Variants in FCHO2 observed in about 807,000 individuals in gnomAD.
The protein encoded by FCHO2 is FCH and mu domain containing endocytic adaptor 2, also known as F-BAR domain only protein 2.
Under a neutral mutation model 114.1 loss-of-function variants are expected in FCHO2, and 43 were observed. The observed-to-expected ratio is 0.38, with a 90% confidence interval of 0.30 to 0.49. The LOEUF (loss-of-function observed/expected upper bound fraction) is 0.49. Among genes scored for constraint, FCHO2 ranks in the 20% least tolerant of loss-of-function variants. The pLI, the probability that FCHO2 is intolerant of heterozygous loss-of-function variation, is 0.97. For missense variants in FCHO2, 807 were observed against 950.4 expected (o/e 0.85, Z 1.98); for synonymous variants, 293 against 315.2 (o/e 0.93, Z 0.75).
chr5:73,046,615 T>G (rs984233603), intron 11 of FCHO2, among the ~76,000 whole-genome samples: 17 of 152,064 alleles, frequency 1.1e-4, no homozygotes, highest in Non-Finnish European at 2.5e-4. Flanking sequence ...CAAAGTATTT[T>G]GAAAAAAACC....
chr5:72,990,187 A>G (rs915276095), intron 3 of FCHO2, among the ~76,000 whole-genome samples: 4 of 152,062 alleles, frequency 2.6e-5, no homozygotes, highest in African/African-American at 4.8e-5. Context: ...CTTCTGATAC[A>G]AGTATAAATA....
At chr5:73,008,852 G>A (rs1484640244) in intron 6 of FCHO2, among the ~76,000 whole-genome samples, 2 of 152,096 alleles carry the variant, frequency 1.3e-5, no homozygotes, top group African/African-American at 4.8e-5. Context: ...GAGGTATATG[G>A]CATTCTAAAT....
intron 6 of FCHO2, among the ~76,000 whole-genome samples, chr5:73,007,343 T>C (rs1190036991): frequency 2.0e-5 from 3 of 152,240 alleles, no homozygotes; most frequent in Admixed American, 1.3e-4. Flanking sequence ...TTCTTAGTTA[T>C]GTCTAAGGGG....
At chr5:73,061,161 A>C (rs918443508) in intron 17 of FCHO2, among the ~76,000 whole-genome samples, 4 of 152,076 alleles carry the variant, frequency 2.6e-5, no homozygotes, top group South Asian at 2.1e-4. Context: ...CATACACAGC[A>C]TTGTTGCTTT....
intron 6 of FCHO2, among the ~76,000 whole-genome samples, chr5:73,006,903 G>T (rs1236961903): frequency 2.6e-5 from 4 of 152,014 alleles, no homozygotes; most frequent in Admixed American, 2.0e-4. Context: ...AAAAATCCCT[G>T]GTCTCAAAGA....
chr5:72,957,424 C>T (rs1055710750), intron 1 of FCHO2, among the ~76,000 whole-genome samples: 5 of 152,280 alleles, frequency 3.3e-5, no homozygotes, highest in African/African-American at 1.2e-4. Context: ...GTATTTTCTG[C>T]CTCTCTGCAT....
intron 20 of FCHO2, among the ~76,000 whole-genome samples, chr5:73,076,526 A>C (rs1389358580): frequency 3.3e-5 from 5 of 152,178 alleles, no homozygotes; most frequent in African/African-American, 9.7e-5. Context: ...TTGCAGAAAA[A>C]AGAGGGAACA....
At chr5:73,040,289 C>T (rs1435497893) in intron 10 of FCHO2, among the ~76,000 whole-genome samples, 2 of 151,982 alleles carry the variant, frequency 1.3e-5, no homozygotes, top group Non-Finnish European at 2.9e-5. Flanking sequence ...ACCGAAAATC[C>T]CAAAGCCAGA....
intron 2 of FCHO2, among the ~76,000 whole-genome samples, chr5:72,979,537 GCCCGC>G (rs1753078615): frequency 6.7e-6 from 1 of 149,630 alleles, no homozygotes; most frequent in Non-Finnish European, 1.5e-5. Flanking sequence ...GACTACAGGC[GCCCGC>G]TACCACGCCC....
chr5:73,034,533 A>G (rs887999933), intron 8 of FCHO2, 124 bp from the exon 9 acceptor site: 1 of 672,278 alleles, frequency 1.5e-6, no homozygotes, highest in Middle Eastern at 4.2e-4. Flanking sequence ...ACCATTTCAG[A>G]ACAATTAAAA....
rs186376647 is a variant in FCHO2, at chr5:72,981,369, C to A, written c.126-8058C>A. On this transcript the variant is annotated intron_variant, in intron 2 of 25. Coordinates refer to ENST00000430046, the MANE Select transcript of FCHO2 (RefSeq NM_138782.3). The stretch of plus-strand genomic sequence containing the variant: ...TAACCCGACCTTTCTCTCTGGCTGC[C>A]CTTAACATTTTTTCCTTCATTTCAA... Among the ~76,000 whole-genome samples, 21 of 152,176 alleles carry A rather than the reference C, an allele frequency of 1.4e-4. No individual in the cohort carries two copies. In the East Asian group the frequency reaches 3.5e-3, roughly 25 times the overall value.
Position 73,011,761 on chromosome 5 carries a change from A to T in FCHO2, c.601-3865A>T, listed in dbSNP as rs530921552. The stretch of plus-strand genomic sequence containing the variant: ...CCTCATCTTTAATAAAAATACAGAA[A>T]TTAGCTGGGCGTGGTGGTACGCGCC... On this transcript the variant is annotated intron_variant, in intron 6 of 25. Transcript: ENST00000430046. 2.0e-4 allele frequency among the ~76,000 whole-genome samples: 31 copies of T among 152,216 alleles called. No individual in the cohort carries two copies. The South Asian group carries it at 6.2e-3, about 31-fold the overall frequency.
At position 73,077,338 on chromosome 5, in the gene FCHO2, G is replaced by A; in HGVS notation, c.1692G>A (p.Lys564=). ...NAYFKGADPT[K]CIVKITGDMT... ...ACACTTTTCAAAATCCCTGTTTTAG[G>A]TGTATTGTGAAGATCACTGGTGATA... The change falls in exon 21 of 26, where the codon AAG becomes AAA. Residue 564 remains lysine, a splice_region_variant and synonymous_variant. Coordinates refer to ENST00000430046, the MANE Select transcript of FCHO2 (RefSeq NM_138782.3). 6.4e-7 allele frequency: 1 copy of A among 1,569,914 alleles called. No individual in the cohort carries two copies. The highest frequency in any genetic ancestry group is 1.7e-4 in the Middle Eastern group (1 of 5,982).
intron 8 of FCHO2, among the ~76,000 whole-genome samples, chr5:73,018,647 G>A (rs1755444501): frequency 6.6e-6 from 1 of 151,906 alleles, no homozygotes; most frequent in Non-Finnish European, 1.5e-5. Flanking sequence ...ATAACCTTAG[G>A]AACTTTAGAT....
chr5:73,040,925 C>T (rs747584281), intron 10 of FCHO2, among the ~76,000 whole-genome samples: 4 of 151,940 alleles, frequency 2.6e-5, no homozygotes, highest in Non-Finnish European at 5.9e-5. Context: ...AATGAAAAGC[C>T]ATTAGAAAGC....
chr5:73,036,623 G>A (rs529911070), intron 9 of FCHO2, among the ~76,000 whole-genome samples: 4 of 151,500 alleles, frequency 2.6e-5, no homozygotes, highest in East Asian at 2.0e-4. Context: ...TGATCTGTCC[G>A]CTTTGGCCTT....
At chr5:72,960,571 A>T (rs1460850014) in intron 1 of FCHO2, among the ~76,000 whole-genome samples, 1 of 152,326 alleles carries the variant, frequency 6.6e-6, no homozygotes, top group African/African-American at 2.4e-5. Flanking sequence ...CTTTAAAAAG[A>T]TATTGATCAG....
At chr5:72,974,251 G>C (rs1275176522) in intron 2 of FCHO2, among the ~76,000 whole-genome samples, 1 of 134,662 alleles carries the variant, frequency 7.4e-6, no homozygotes, top group South Asian at 2.4e-4. Context: ...CAATTCCTGG[G>C]TATCCTTGTT....
In FCHO2 at chr5:72,979,540, C is replaced by T. The variant is rs562047482; in HGVS notation, c.126-9887C>T. Among the ~76,000 whole-genome samples, 169 of 149,808 alleles carry T rather than the reference C, an allele frequency of 1.1e-3. 1 individual carries two copies. Among genetic ancestry groups the T allele is most frequent in the Non-Finnish European group, 2.1e-3 (141 of 67,352 alleles). ...CCGAGTAGCTGGGACTACAGGCGCC[C>T]GCTACCACGCCCGGCTAATTTTTTG... On this transcript the variant is annotated intron_variant, in intron 2 of 25. Coordinates refer to ENST00000430046, the MANE Select transcript of FCHO2 (RefSeq NM_138782.3).
Sources: gnomAD v4.1 joint callset for allele counts (sites outside exome capture counted in the v4.1 genomes callset) on GRCh38, gnomAD v4.1.1 for gene constraint, MANE v1.5 for transcripts, NCBI Gene and HGNC (gene_info 2026-07-23, HGNC 2026-07-21) for gene names.